Variants in TMEFF2 observed in about 807,000 individuals in gnomAD.
TMEFF2 encodes tomoregulin-2.
Under a neutral mutation model 53.8 loss-of-function variants are expected in TMEFF2, and 28 were observed. The ratio of observed to expected loss-of-function variants is 0.52; its 90% confidence interval spans 0.39 to 0.71. The LOEUF is 0.71. Ranked by LOEUF, TMEFF2 falls within the 30% of genes least tolerant of loss-of-function variation. The pLI, the probability that TMEFF2 is intolerant of heterozygous loss-of-function variation, is 0.00. For synonymous variants in TMEFF2, 162 were observed against 166.3 expected (o/e 0.97, Z 0.20); for missense variants, 353 against 455.2 (o/e 0.78, Z 2.04).
intron 5 of TMEFF2, among the ~76,000 whole-genome samples, chr2:192,013,154 T>C (rs964329156): frequency 1.4e-4 from 22 of 152,172 alleles, no homozygotes; most frequent in African/African-American, 2.7e-4. Flanking sequence ...AGAATAAAAC[T>C]TGTAGTCCTT....
At position 192,141,586 on chromosome 2, in the gene TMEFF2, C is replaced by T. The variant is rs190739982; in HGVS notation, c.439+38082G>A. On this transcript the variant is annotated intron_variant, in intron 4 of 9. Transcript: ENST00000272771. Reference sequence around the variant, plus strand: ...GATGGGAACATTGTTAACAAAGCTACTAAGCTAAGAGAAACCCTGAACAGA... The same window carrying T: ...GATGGGAACATTGTTAACAAAGCTATTAAGCTAAGAGAAACCCTGAACAGA... Among the ~76,000 whole-genome samples the T allele has an allele frequency of 4.6e-5, 7 of 151,310 alleles. No homozygotes were observed. In the East Asian group the frequency reaches 9.7e-4, roughly 21 times the overall value.
chr2:192,121,802 G>A (rs750101251), intron 4 of TMEFF2, among the ~76,000 whole-genome samples: 6 of 152,076 alleles, frequency 3.9e-5, no homozygotes, highest in Non-Finnish European at 5.9e-5. Flanking sequence ...GCTCAATGGA[G>A]TATAAACTGC....
At chr2:192,148,356 G>A (rs886331239) in intron 4 of TMEFF2, among the ~76,000 whole-genome samples, 1 of 151,950 alleles carries the variant, frequency 6.6e-6, no homozygotes, top group Non-Finnish European at 1.5e-5. Context: ...GGAAAGGCAA[G>A]GTTTTCAGAT....
chr2:191,982,244 G>A (rs1376123786), intron 7 of TMEFF2, among the ~76,000 whole-genome samples: 1 of 152,000 alleles, frequency 6.6e-6, no homozygotes, highest in Non-Finnish European at 1.5e-5. Context: ...AGAAAGGTAG[G>A]CTATTATATG....
chr2:192,042,763 G>C (rs556295686), intron 5 of TMEFF2, among the ~76,000 whole-genome samples: 1 of 152,288 alleles, frequency 6.6e-6, no homozygotes, highest in South Asian at 2.1e-4. Context: ...GAGCGAATTA[G>C]AAATGCTAGG....
At chr2:192,049,000 A>G (rs1341635245) in intron 5 of TMEFF2, among the ~76,000 whole-genome samples, 1 of 152,238 alleles carries the variant, frequency 6.6e-6, no homozygotes, top group Non-Finnish European at 1.5e-5. Context: ...AATATATTTT[A>G]TATACTGAGT....
At chr2:191,963,054 C>T (rs564551226) in intron 7 of TMEFF2, among the ~76,000 whole-genome samples, 42 of 152,076 alleles carry the variant, frequency 2.8e-4, no homozygotes, top group Non-Finnish European at 4.4e-4. Flanking sequence ...AAGTATCAGG[C>T]CTTGGGAAGA....
At chr2:192,087,365 AAG>A (rs1166777481) in intron 4 of TMEFF2, among the ~76,000 whole-genome samples, 1 of 152,134 alleles carries the variant, frequency 6.6e-6, no homozygotes, top group Admixed American at 6.6e-5. Context: ...TCAGCTTAAA[AAG>A]AGGAGAGAAA....
intron 5 of TMEFF2, among the ~76,000 whole-genome samples, chr2:192,007,431 G>T (rs887158781): frequency 1.1e-4 from 16 of 152,184 alleles, no homozygotes; most frequent in African/African-American, 3.9e-4. Context: ...GGAGGAGGAG[G>T]TGGAAAGTGA....
At chr2:192,016,727 T>C (rs1309910015) in intron 5 of TMEFF2, among the ~76,000 whole-genome samples, 1 of 152,262 alleles carries the variant, frequency 6.6e-6, no homozygotes, top group Admixed American at 6.5e-5. Flanking sequence ...TTGTGTTTTC[T>C]TGAGCATTAC....
intron 4 of TMEFF2, among the ~76,000 whole-genome samples, chr2:192,065,293 T>C (rs542661840): frequency 9.2e-5 from 14 of 151,954 alleles, no homozygotes; most frequent in African/African-American, 2.9e-4. Flanking sequence ...ATGTAAGACG[T>C]CCCATTTAAA....
At chr2:192,120,377 C>T (rs1028914494) in intron 4 of TMEFF2, among the ~76,000 whole-genome samples, 4 of 152,160 alleles carry the variant, frequency 2.6e-5, no homozygotes, top group Admixed American at 6.5e-5. Flanking sequence ...TTTTAATGCT[C>T]AAACCCCACC....
intron 5 of TMEFF2, among the ~76,000 whole-genome samples, chr2:192,039,234 A>G (rs1350939458): frequency 6.6e-6 from 1 of 152,212 alleles, no homozygotes; most frequent in Non-Finnish European, 1.5e-5. Context: ...AAAAAGGCAA[A>G]TATAACTAGA....
At chr2:192,108,456 G>A (rs1391595849) in intron 4 of TMEFF2, among the ~76,000 whole-genome samples, 3 of 151,810 alleles carry the variant, frequency 2.0e-5, no homozygotes, top group African/African-American at 7.2e-5. Flanking sequence ...AGGTCATTGT[G>A]CTGATGCTTT....
At chr2:191,993,945 G>A (rs1686164797) in intron 7 of TMEFF2, among the ~76,000 whole-genome samples, 1 of 151,894 alleles carries the variant, frequency 6.6e-6, no homozygotes, top group South Asian at 2.1e-4. Context: ...TTTGTCTTTT[G>A]TCTCTGAACT....
At chr2:191,961,835 A>C (rs1015225591) in intron 7 of TMEFF2, among the ~76,000 whole-genome samples, 3 of 152,204 alleles carry the variant, frequency 2.0e-5, no homozygotes, top group African/African-American at 7.2e-5. Context: ...GAATGTAATG[A>C]AGTCTGAGTT....
At chr2:191,961,086 T>C (rs1692257177) in intron 7 of TMEFF2, among the ~76,000 whole-genome samples, 2 of 152,162 alleles carry the variant, frequency 1.3e-5, no homozygotes, top group Admixed American at 6.6e-5. Context: ...TATTTATATA[T>C]ATTAAACAAA....
At chr2:192,140,936 CTA>C (rs1033866837) in intron 4 of TMEFF2, among the ~76,000 whole-genome samples, 4 of 152,112 alleles carry the variant, frequency 2.6e-5, no homozygotes, top group African/African-American at 9.7e-5. Context: ...AATTCAATAA[CTA>C]TTTATGGAGC....
chr2:192,194,846 T>C lies in TMEFF2; in HGVS notation c.-322A>G. ...AGACGGGAGTCCAGGGGCAGACGAG[T>C]GGAGCCCGAGGAGGCAGGGTGGAGG... On this transcript the variant is annotated 5_prime_UTR_variant, in exon 1 of 10. Transcript: ENST00000272771. This position sits in a 1 kb window ranked among gnomAD's most constrained non-coding sequence, Gnocchi z 4.2. 3.0e-6 allele frequency: 1 copy of C among 330,916 alleles called. No homozygotes were observed. The highest frequency in any genetic ancestry group is 3.7e-5 in the South Asian group (1 of 27,356). 20.5% of individuals were successfully genotyped at this position (330,916 alleles called of 1,614,324 possible).
Sources: allele counts gnomAD v4.1 joint callset (sites outside exome capture counted in the v4.1 genomes callset), GRCh38; gene constraint gnomAD v4.1.1; non-coding constraint Gnocchi (gnomAD v3.1); transcripts MANE v1.5; gene names NCBI Gene and HGNC (gene_info 2026-07-23, HGNC 2026-07-21).